The following SV2C variants were observed in gnomAD, a reference collection of about 807,000 sequenced individuals.
The protein encoded by SV2C is solute carrier family 22 member B3.
Under a neutral mutation model 79.7 loss-of-function variants are expected in SV2C, and 49 were observed. The ratio of observed to expected loss-of-function variants is 0.61; its 90% confidence interval spans 0.49 to 0.78. SV2C has a LOEUF of 0.78. Ranked by LOEUF, SV2C falls within the 30% of genes least tolerant of loss-of-function variation. The pLI is 0.00. For synonymous variants in SV2C, 334 were observed against 333.2 expected (o/e 1.00, Z -0.03); for missense variants, 833 against 912.9 (o/e 0.91, Z 1.13).
chr5:75,882,998 A>C, the SV2C span, among the ~76,000 whole-genome samples: 1 of 149,288 alleles, frequency 6.7e-6, no homozygotes, highest in East Asian at 1.9e-4. Context: ...TTACAAGAAA[A>C]AAACAAACAA....
intron 2 of SV2C, among the ~76,000 whole-genome samples, chr5:76,172,119 G>A (rs1258326734): frequency 5.8e-5 from 2 of 34,660 alleles, no homozygotes; most frequent in African/African-American, 4.7e-4. Context: ...AGGTGGGGGG[G>A]TCAGCCCTCC....
chr5:76,056,624 C>CTTTTT, the SV2C span, among the ~76,000 whole-genome samples: 557 of 64,296 alleles, frequency 8.7e-3, no homozygotes, highest in African/African-American at 0.01. Flanking sequence ...CCTGGGCTTT[C>CTTTTT]TTTTTTTTTT....
At chr5:76,270,681 C>G (rs2972831) in intron 4 of SV2C, among the ~76,000 whole-genome samples, 1 of 152,130 alleles carries the variant, frequency 6.6e-6, no homozygotes, top group African/African-American at 2.4e-5. Context: ...GGGGCTCAAA[C>G]GAGCAGATGC....
chr5:75,877,987 A>G, the SV2C span, among the ~76,000 whole-genome samples: 1 of 152,042 alleles, frequency 6.6e-6, no homozygotes, highest in Non-Finnish European at 1.5e-5. Flanking sequence ...AAAATGTTCT[A>G]AAATTGACTG....
chr5:76,336,575 C>G (rs566867617), downstream of SV2C, among the ~76,000 whole-genome samples: 140 of 152,296 alleles, frequency 9.2e-4, 1 homozygote, highest in Middle Eastern at 3.4e-3. Flanking sequence ...GAGCCGAGAC[C>G]ACGCCACTGC....
chr5:76,273,442 C>G (rs1409883034), intron 4 of SV2C, among the ~76,000 whole-genome samples: 1 of 151,906 alleles, frequency 6.6e-6, no homozygotes, highest in East Asian at 1.9e-4. Flanking sequence ...CTCATTCACT[C>G]TTTGCATATT....
At chr5:75,865,431 A>G in the SV2C span, among the ~76,000 whole-genome samples, 3 of 152,198 alleles carry the variant, frequency 2.0e-5, no homozygotes, top group African/African-American at 7.2e-5. Flanking sequence ...TGGTTTATAG[A>G]TGGGCTACTT....
chr5:76,276,741 C>CA (rs576418170), intron 4 of SV2C, among the ~76,000 whole-genome samples: 1 of 139,568 alleles, frequency 7.2e-6, no homozygotes, highest in South Asian at 2.3e-4. Context: ...TCTTTCTTTT[C>CA]TTTTTTTTTT....
At position 76,152,909 on chromosome 5, in the gene SV2C, A is replaced by C. The variant is rs138646789; in HGVS notation, c.580+20579A>C. 3.6e-3 allele frequency among the ~76,000 whole-genome samples: 549 copies of C among 152,302 alleles called. 7 individuals are homozygous for C. The South Asian group carries it at 0.042, about 12-fold the overall frequency. On this transcript the variant is annotated intron_variant, in intron 2 of 12. Coordinates refer to ENST00000502798, the MANE Select transcript of SV2C (RefSeq NM_014979.4). ...CATCACATGGTGTGTGGGATCATGG[A>C]TCATATTTTTTCTGCCAAAAGGCAG...
At chr5:75,930,036 G>A in the SV2C span, among the ~76,000 whole-genome samples, 1 of 152,150 alleles carries the variant, frequency 6.6e-6, no homozygotes, top group African/African-American at 2.4e-5. Flanking sequence ...GAAAGGAAAA[G>A]CTTAATGAGA....
At chr5:75,975,256 G>T in the SV2C span, among the ~76,000 whole-genome samples, 2 of 152,134 alleles carry the variant, frequency 1.3e-5, no homozygotes, top group African/African-American at 2.4e-5. Flanking sequence ...ACCTAGTGAA[G>T]CCCTATTTGT....
Position 76,330,201 on chromosome 5 carries a change from A to G in SV2C, c.*4654A>G, listed in dbSNP as rs1580079883. On this transcript the variant is annotated 3_prime_UTR_variant, in exon 13 of 13. Coordinates refer to ENST00000502798, the MANE Select transcript of SV2C (RefSeq NM_014979.4). The stretch of plus-strand genomic sequence containing the variant: ...CCATTCCTCTTGTCGCCCGTCTCTC[A>G]CCAACCAGTCACAGAGCCATTGCCA... 1 of 152,038 alleles carries G rather than the reference A, an allele frequency of 6.6e-6. No homozygotes were observed. Among genetic ancestry groups the G allele is most frequent in the Non-Finnish European group, 1.5e-5 (1 of 68,022 alleles). The allele number at this position is 152,038 out of a possible 1,614,324, so 9.4% of individuals were successfully genotyped here. A position where few individuals can be genotyped will look rare whatever the true frequency, so the allele number is the denominator to read the frequency against.
chr5:76,147,985 C>T, intron 2 of SV2C, among the ~76,000 whole-genome samples: 1 of 152,092 alleles, frequency 6.6e-6, no homozygotes, highest in Non-Finnish European at 1.5e-5. Context: ...GTCATTTTAA[C>T]TGCCCCTAAT....
chr5:75,971,767 T>C, the SV2C span, among the ~76,000 whole-genome samples: 1 of 152,014 alleles, frequency 6.6e-6, no homozygotes, highest in African/African-American at 2.4e-5. Flanking sequence ...AAATTATAGG[T>C]TCAATGCCAT....
intron 1 of SV2C, among the ~76,000 whole-genome samples, chr5:76,129,934 A>G (rs1001893237): frequency 2.0e-5 from 3 of 151,960 alleles, no homozygotes; most frequent in Admixed American, 6.6e-5. Flanking sequence ...TATTTTATTT[A>G]TTGTGTGAAA....
chr5:76,129,573 A>G (rs1364534665), intron 1 of SV2C, among the ~76,000 whole-genome samples: 1 of 152,212 alleles, frequency 6.6e-6, no homozygotes, highest in African/African-American at 2.4e-5. Flanking sequence ...AGCCATAACT[A>G]TGACATTTAA....
At chr5:76,076,472 G>A in the SV2C span, among the ~76,000 whole-genome samples, 3 of 152,086 alleles carry the variant, frequency 2.0e-5, no homozygotes, top group African/African-American at 7.2e-5. Context: ...ATATCTGCTG[G>A]TGCTACTTCA....
chr5:76,155,477 C>T (rs1188404937), intron 2 of SV2C, among the ~76,000 whole-genome samples: 1 of 152,136 alleles, frequency 6.6e-6, no homozygotes, highest in Non-Finnish European at 1.5e-5. Context: ...AATTGGAGAC[C>T]TGTTGTCTTG....
At chr5:75,851,563 T>C in the SV2C span, among the ~76,000 whole-genome samples, 1 of 152,214 alleles carries the variant, frequency 6.6e-6, no homozygotes, top group East Asian at 1.9e-4. Context: ...TAGGTAAGCC[T>C]TTACAAAGTG....
Sources: allele counts gnomAD v4.1 joint callset (sites outside exome capture counted in the v4.1 genomes callset), GRCh38; gene constraint gnomAD v4.1.1; transcripts MANE v1.5; gene names NCBI Gene and HGNC (gene_info 2026-07-23, HGNC 2026-07-21).